Variants in KNDC1 observed in about 807,000 individuals in gnomAD.
KNDC1 encodes the protein kinase non-catalytic C-lobe domain-containing protein 1.
Under a neutral mutation model 172.8 loss-of-function variants are expected in KNDC1, and 106 were observed. That is an observed-to-expected ratio of 0.61 (90% CI 0.52 to 0.72). The LOEUF is 0.72. Ranked by LOEUF, KNDC1 falls within the 30% of genes least tolerant of loss-of-function variation. KNDC1 has a pLI of 0.00. For synonymous variants in KNDC1, 1,083 were observed against 1,062.2 expected (o/e 1.02, Z -0.38); for missense variants, 2,325 against 2,394.5 (o/e 0.97, Z 0.61).
At chr10:133,194,980 G>T (rs1253143581) in intron 9 of KNDC1, among the ~76,000 whole-genome samples, 2 of 152,172 alleles carry the variant, frequency 1.3e-5, no homozygotes, top group South Asian at 2.1e-4. Flanking sequence ...GGGTCTGTCC[G>T]GCTTCACTTC....
At chr10:133,204,076 C>T (rs1854455008) in intron 17 of KNDC1, among the ~76,000 whole-genome samples, 1 of 152,216 alleles carries the variant, frequency 6.6e-6, no homozygotes, top group African/African-American at 2.4e-5. Flanking sequence ...CTGGATGGAG[C>T]CTGGCGCCGG....
rs112913709 is a variant in KNDC1, at chr10:133,190,421, A to G, written c.1575+608A>G. On this transcript the variant is annotated intron_variant, in intron 9 of 29. Coordinates refer to ENST00000304613, the MANE Select transcript of KNDC1 (RefSeq NM_152643.8). ...AAGCACCCTGCACTAAGCACCCTGCAGTAAGCACCCTGCACACTGTGCAAA... is the reference window on the plus strand; with the variant it reads ...AAGCACCCTGCACTAAGCACCCTGCGGTAAGCACCCTGCACACTGTGCAAA... Among the ~76,000 whole-genome samples, 314 of 152,308 alleles carry G rather than the reference A, an allele frequency of 2.1e-3. 2 individuals are homozygous for G. The highest frequency in any genetic ancestry group is 6.1e-3 in the African/African-American group (255 of 41,562).
chr10:133,223,317 C>T lies in KNDC1; in HGVS notation c.5019-1342C>T, dbSNP rs568008719. ...AGAGCCCATCCAGGCATGCTGTTCC[C>T]GGCGTGTGTGTGTGTGTGTGAGAGC... On this transcript the variant is annotated intron_variant, in intron 29 of 29. Coordinates refer to ENST00000304613, the MANE Select transcript of KNDC1 (RefSeq NM_152643.8). Among the ~76,000 whole-genome samples the T allele has an allele frequency of 6.5e-4, 30 of 46,110 alleles. 4 individuals carry two copies. Among genetic ancestry groups the T allele is most frequent in the African/African-American group, 2.1e-3 (28 of 13,520 alleles). 30.2% of individuals were successfully genotyped at this position (46,110 alleles called of 152,430 possible).
Position 133,196,041 on chromosome 10 carries a change from T to C in KNDC1, c.1734+220T>C, listed in dbSNP as rs1854182334. Among the ~76,000 whole-genome samples the C allele has an allele frequency of 3.9e-5, 6 of 152,166 alleles. 1 individual carries two copies. Among genetic ancestry groups the C allele is most frequent in the Admixed American group, 3.9e-4 (6 of 15,286 alleles). On this transcript the variant is annotated intron_variant, in intron 10 of 29. Transcript: ENST00000304613. ...GCCACGTCCATGTGGGTGGACAGCATGGGGGTCTCTGCTGCTCCCCACCAT... is the reference window on the plus strand; with the variant it reads ...GCCACGTCCATGTGGGTGGACAGCACGGGGGTCTCTGCTGCTCCCCACCAT...
chr10:133,201,636 CCG>C lies in KNDC1; in HGVS notation c.3126_3127del (p.Arg1044SerfsTer5). 6.2e-7 allele frequency: 1 copy of C among 1,613,056 alleles called. No individual in the cohort carries two copies. The highest frequency in any genetic ancestry group is 8.5e-7 in the Non-Finnish European group (1 of 1,179,946). On this transcript the variant is annotated frameshift_variant, in exon 17 of 30. Transcript: ENST00000304613. LOFTEE classifies it high-confidence loss of function. The stretch of plus-strand genomic sequence containing the variant: ...TTTCGGCCTCAGAGGTCCGTAAAAG[CCG>C]AGAGAGCGCAGCAGCCTGAGGCTGG...
At chr10:133,223,991 G>T (rs113085915) in intron 29 of KNDC1, among the ~76,000 whole-genome samples, 2,059 of 146,278 alleles carry the variant, frequency 0.014, 41 homozygotes, top group African/African-American at 0.05. Flanking sequence ...GTGTGTGTGT[G>T]TGTGAGAGAG....
intron 15 of KNDC1, among the ~76,000 whole-genome samples, chr10:133,199,848 A>G (rs3008387): frequency 0.46 from 70,000 of 151,964 alleles, 16,220 homozygotes; most frequent in East Asian, 0.62. Context: ...GGGCTTTCAG[A>G]GAATATGAGG....
At chr10:133,215,684 C>G (rs1031309431) in intron 26 of KNDC1, among the ~76,000 whole-genome samples, 1 of 152,278 alleles carries the variant, frequency 6.6e-6, no homozygotes, top group Non-Finnish European at 1.5e-5. Context: ...ACCCTCACCC[C>G]GAGCTGCCCC....
intron 26 of KNDC1, among the ~76,000 whole-genome samples, chr10:133,214,944 C>G (rs1845444592): frequency 6.6e-6 from 1 of 152,230 alleles, no homozygotes; most frequent in Non-Finnish European, 1.5e-5. Flanking sequence ...GCCAGAGTCC[C>G]CCAGCCCCAG....
intron 3 of KNDC1, among the ~76,000 whole-genome samples, chr10:133,181,174 C>T (rs1853706880): frequency 1.3e-5 from 2 of 152,044 alleles, no homozygotes. Context: ...ACACGGGGCA[C>T]CCACAGATGC....
intron 28 of KNDC1, among the ~76,000 whole-genome samples, chr10:133,219,661 C>T (rs538014165): frequency 3.5e-4 from 53 of 152,320 alleles, no homozygotes; most frequent in Admixed American, 1.3e-3. Flanking sequence ...TTACCTGGCA[C>T]TTCCTGGAGT....
rs781755735 is a variant in KNDC1, at chr10:133,186,614, C to T, written c.1266C>T (p.Pro422=). The T allele has an allele frequency of 3.8e-6, 6 of 1,598,430 alleles. No individual in the cohort carries two copies. In the African/African-American group the frequency reaches 8.0e-5, roughly 21 times the overall value. ...PRDASGEAQT[P]RDDERIPEGA... is the part of the protein sequence containing the mutation. ...ATGCTAGCGGTGAAGCCCAGACTCCCAGGGACGATGAGAGAATTCCAGAAG... is the reference window on the plus strand; with the variant it reads ...ATGCTAGCGGTGAAGCCCAGACTCCTAGGGACGATGAGAGAATTCCAGAAG... The change falls in exon 6 of 30, where the codon CCC becomes CCT. Residue 422 remains proline, a synonymous_variant. Coordinates refer to ENST00000304613, the MANE Select transcript of KNDC1 (RefSeq NM_152643.8).
In KNDC1 at chr10:133,214,090, G is replaced by A. The variant is rs764462768; in HGVS notation, c.4645G>A (p.Ala1549Thr). 1.4e-5 allele frequency: 22 copies of A among 1,614,134 alleles called. No homozygotes were observed. Among genetic ancestry groups the A allele is most frequent in the Non-Finnish European group, 1.8e-5 (21 of 1,180,008 alleles). The change falls in exon 26 of 30, where the codon GCT becomes ACT. Residue 1549 changes from alanine (A) to threonine (T), a missense_variant. Physicochemically the swap from Ala to Thr is moderately conservative, Grantham distance 58 (BLOSUM62 0). Transcript: ENST00000304613. The part of the protein sequence containing the change: ...RNADDVSTWV[A>T]AEIVTSHTSK... ...CGCAGATGACGTCAGCACCTGGGTG[G>A]CTGCAGAGATTGTGACCAGCCACAC...
chr10:133,194,894 A>G (rs1376282134), intron 9 of KNDC1, among the ~76,000 whole-genome samples: 1 of 152,234 alleles, frequency 6.6e-6, no homozygotes, highest in Non-Finnish European at 1.5e-5. Flanking sequence ...GGTGGAGGAC[A>G]TGGTCTTACG....
intron 26 of KNDC1, among the ~76,000 whole-genome samples, chr10:133,214,743 G>A (rs527507120): frequency 2.0e-5 from 3 of 152,346 alleles, no homozygotes; most frequent in South Asian, 4.1e-4. Context: ...AAGCTCCAGC[G>A]CCGGGGCCCA....
Position 133,195,648 on chromosome 10 carries a change from T to C in KNDC1, c.1576-15T>C, listed in dbSNP as rs577303000. On this transcript the variant is annotated splice_polypyrimidine_tract_variant and intron_variant, in intron 9 of 29. Transcript: ENST00000304613. ...CAGCCCTGCGGTAGACACTATTCTCTCCCCACCCGCCCAGGCCTCTGTGTA... is the reference window on the plus strand; with the variant it reads ...CAGCCCTGCGGTAGACACTATTCTCCCCCCACCCGCCCAGGCCTCTGTGTA... 3.2e-5 allele frequency: 50 copies of C among 1,547,082 alleles called. No homozygotes were observed. The African/African-American group carries it at 5.7e-4, about 17-fold the overall frequency.
rs888462744 is a variant in KNDC1 at position 133,225,344 on chromosome 10, G to A, written c.*454G>A. ...AGCCAGCCTGGGTTGGCTGAGCAAC[G>A]AAGGGCCAAAGCTGACCTCTGAGTG... On this transcript the variant is annotated 3_prime_UTR_variant, in exon 30 of 30. Transcript: ENST00000304613. The A allele has an allele frequency of 1.2e-4, 24 of 200,424 alleles. No individual in the cohort carries two copies. The highest frequency in any genetic ancestry group is 1.6e-4 in the Admixed American group (3 of 18,324). 12.4% of individuals were successfully genotyped at this position (200,424 alleles called of 1,614,324 possible).
intron 6 of KNDC1, among the ~76,000 whole-genome samples, chr10:133,188,150 G>A (rs1172650354): frequency 3.9e-5 from 6 of 152,192 alleles, no homozygotes; most frequent in African/African-American, 1.4e-4. Flanking sequence ...GGTGCTCCCC[G>A]TGTTGGCTAT....
Position 133,190,561 on chromosome 10 carries a change from A to C in KNDC1, c.1575+748A>C, listed in dbSNP as rs942168623. Among the ~76,000 whole-genome samples the C allele has an allele frequency of 5.3e-4, 80 of 152,160 alleles. 1 individual carries two copies. Among genetic ancestry groups the C allele is most frequent in the African/African-American group, 1.8e-3 (75 of 41,430 alleles). On this transcript the variant is annotated intron_variant, in intron 9 of 29. Transcript: ENST00000304613. ...GGTTTTCCTTCTGCCTCACATATTG[A>C]GACTTGGAGGTAAAGAAGCCGGTGA...
Sources: gnomAD v4.1 joint callset for allele counts (sites outside exome capture counted in the v4.1 genomes callset) on GRCh38, gnomAD v4.1.1 for gene constraint, MANE v1.5 for transcripts, NCBI Gene and HGNC (gene_info 2026-07-23, HGNC 2026-07-21) for gene names.